Variants in NAA40 observed in about 807,000 individuals in gnomAD.
NAA40 encodes N-alpha-acetyltransferase 40.
A neutral mutation model predicts 36.6 loss-of-function variants in NAA40; 26 were observed. The observed-to-expected ratio is 0.71, with a 90% CI of 0.52 to 0.98. The LOEUF is 0.98. NAA40 is among the 50% of genes least tolerant of loss of function. The pLI, the probability that NAA40 is intolerant of heterozygous loss-of-function variation, is 0.00. For synonymous variants in NAA40, 129 were observed against 108.4 expected, an observed-to-expected ratio of 1.19 and a Z score of -1.18; for missense variants, 237 against 306.5, an observed-to-expected ratio of 0.77 and a Z score of 1.69.
At chr11:63,948,213 T>C (rs969047691) in intron 3 of NAA40, among the ~76,000 whole-genome samples, 2 of 152,114 alleles carry the variant, frequency 1.3e-5, no homozygotes, top group African/African-American at 4.8e-5. Context: ...TGAAACAAAC[T>C]TGGAAAATTA....
At position 63,939,383 on chromosome 11, in the gene NAA40, C is replaced by A. The variant is rs533456191; in HGVS notation, c.6+281C>A. 7.4e-6 allele frequency: 9 copies of A among 1,220,860 alleles called. No homozygotes were observed. The East Asian group carries it at 2.5e-4, about 34-fold the overall frequency. The allele number at this position is 1,220,860 out of a possible 1,614,324, so 75.6% of individuals were successfully genotyped here. On this transcript the variant is annotated intron_variant, in intron 1 of 7. Transcript: ENST00000377793. Reference sequence around the variant, plus strand: ...GCGGACCCGTTACTGGCCTCCCCACCACCGTCCCCCGCGGGGACCCTGGGG... The same window carrying A: ...GCGGACCCGTTACTGGCCTCCCCACAACCGTCCCCCGCGGGGACCCTGGGG...
In NAA40 at chr11:63,952,957, G is replaced by GT. The variant is rs1942305384; in HGVS notation, c.494+118_494+119insT. 2.2e-5 allele frequency: 16 copies of GT among 743,258 alleles called. No individual in the cohort carries two copies. The East Asian group carries it at 4.8e-4, about 22-fold the overall frequency. The allele number at this position is 743,258 out of a possible 1,614,324, so 46.0% of individuals were successfully genotyped here. ...GGAGGCTCATAGGCATGTTTTGGGA[G>GT]AAAGGTGTCTTAGAACCCTCTCAGT... On this transcript the variant is annotated intron_variant, in intron 6 of 7. Transcript: ENST00000377793.
At chr11:63,948,699 C>T (rs1432760812) in intron 3 of NAA40, among the ~76,000 whole-genome samples, 1 of 151,108 alleles carries the variant, frequency 6.6e-6, no homozygotes, top group African/African-American at 2.4e-5. Flanking sequence ...GCCTGGGCAA[C>T]AGAGCAAGAC....
At chr11:63,952,898 A>G in intron 6 of NAA40, 59 bp downstream of exon 6, 1 of 1,459,950 alleles carries the variant, frequency 6.8e-7, no homozygotes, top group Non-Finnish European at 9.6e-7. Flanking sequence ...GCTGTCACTG[A>G]GGCACTTGCC....
intron 3 of NAA40, among the ~76,000 whole-genome samples, chr11:63,948,690 C>G (rs1942227513): frequency 6.6e-6 from 1 of 151,912 alleles, no homozygotes; most frequent in African/African-American, 2.4e-5. Flanking sequence ...TGCACTCCAG[C>G]CTGGGCAACA....
intron 2 of NAA40, chr11:63,946,744 T>C: frequency 6.5e-7 from 1 of 1,529,644 alleles, no homozygotes; most frequent in Non-Finnish European, 8.8e-7. Flanking sequence ...AACTTAACTC[T>C]CCTGGGCCTT....
rs753772324 is a variant in NAA40, at chr11:63,952,841, T to TA, written c.494+4dup. 178 of 1,613,756 alleles carry TA rather than the reference T, an allele frequency of 1.1e-4. No individual in the cohort carries two copies. In the African/African-American group the frequency reaches 1.9e-3, roughly 17 times the overall value. Reference sequence around the variant, plus strand: ...GATCCTGCAGCTCATGGCCAACAGGTAAGGCCTCCCTTCTTAGGAGGCCCA... The same window carrying TA: ...GATCCTGCAGCTCATGGCCAACAGGTAAAGGCCTCCCTTCTTAGGAGGCCCA... On this transcript the variant is annotated splice_region_variant and intron_variant, in intron 6 of 7. Coordinates refer to ENST00000377793, the MANE Select transcript of NAA40 (RefSeq NM_024771.4).
In NAA40 at chr11:63,957,212, A is replaced by ATATATATATATATTTTTT. The variant is rs1278673521; in HGVS notation, c.*2734_*2735insATATATATATATTTTTTT. ...CCTTGATATATATATATATATATAT[A>ATATATATATATATTTTTT]TTTTTTTTTTTCTTTAGCAGCTTGT... On this transcript the variant is annotated 3_prime_UTR_variant, in exon 8 of 8. Coordinates refer to ENST00000377793, the MANE Select transcript of NAA40 (RefSeq NM_024771.4). The ATATATATATATATTTTTT allele has an allele frequency of 1.6e-5, 1 of 64,298 alleles. No homozygotes were observed. The highest frequency in any genetic ancestry group is 4.2e-5 in the African/African-American group (1 of 23,940). 4.0% of individuals were successfully genotyped at this position (64,298 alleles called of 1,614,324 possible). A position where few individuals can be genotyped will look rare whatever the true frequency, so the allele number is the denominator to read the frequency against.
At chr11:63,950,129 T>TG (rs1342896530) in intron 3 of NAA40, among the ~76,000 whole-genome samples, 5 of 150,150 alleles carry the variant, frequency 3.3e-5, no homozygotes, top group East Asian at 1.9e-4. Flanking sequence ...TTTGTTTTTT[T>TG]TTTTTTTTGA....
chr11:63,954,562 C>T lies in NAA40; in HGVS notation c.*83C>T. ...GGTCTCACTGTTCACCGGGTGTCCT[C>T]AGAGCTGTGGCCTCCCCAGCCCTGC... On this transcript the variant is annotated 3_prime_UTR_variant, in exon 8 of 8. Coordinates refer to ENST00000377793, the MANE Select transcript of NAA40 (RefSeq NM_024771.4). 6.8e-7 allele frequency: 1 copy of T among 1,466,194 alleles called. No homozygotes were observed. The highest frequency in any genetic ancestry group is 9.1e-7 in the Non-Finnish European group (1 of 1,101,862). The allele number at this position is 1,466,194 out of a possible 1,614,324, so 90.8% of individuals were successfully genotyped here. A position where few individuals can be genotyped will look rare whatever the true frequency, so the allele number is the denominator to read the frequency against.
Position 63,957,213 on chromosome 11 carries a change from T to TATA in NAA40, c.*2734_*2735insATA, listed in dbSNP as rs1491564515. ...CTTGATATATATATATATATATATA[T>TATA]TTTTTTTTTTCTTTAGCAGCTTGTT... On this transcript the variant is annotated 3_prime_UTR_variant, in exon 8 of 8. Transcript: ENST00000377793. 65 of 48,080 alleles carry TATA rather than the reference T, an allele frequency of 1.4e-3. No homozygotes were observed. Among genetic ancestry groups the TATA allele is most frequent in the African/African-American group, 3.3e-3 (55 of 16,776 alleles). The allele number at this position is 48,080 out of a possible 1,614,324, so 3.0% of individuals were successfully genotyped here.
intron 1 of NAA40, among the ~76,000 whole-genome samples, chr11:63,939,825 C>T (rs1016225308): frequency 1.3e-4 from 20 of 152,062 alleles, no homozygotes; most frequent in Admixed American, 2.0e-4. Flanking sequence ...GGGGAAGATG[C>T]GGGGAGGCGG....
chr11:63,954,263 T>C (rs576670727), intron 7 of NAA40, 75 bp from the exon 8 acceptor site: 1 of 1,522,056 alleles, frequency 6.6e-7, no homozygotes, highest in Non-Finnish European at 8.8e-7. Flanking sequence ...GTGTGGCTGG[T>C]AGAAGAGTTC....
intron 3 of NAA40, among the ~76,000 whole-genome samples, chr11:63,949,844 A>C (rs1398145229): frequency 6.8e-6 from 1 of 146,704 alleles, no homozygotes; most frequent in East Asian, 2.0e-4. Flanking sequence ...TCCCGGATTC[A>C]CGCCATTATC....
At position 63,952,342 on chromosome 11, in the gene NAA40, G is replaced by C; in HGVS notation, c.251+9G>C. ...ACGAATATGCAAACCATGTAAGCTT[G>C]TCCCAACCAGGGGAGCCTAGTTCCT... On this transcript the variant is annotated intron_variant, in intron 4 of 7. Transcript: ENST00000377793. The C allele has an allele frequency of 6.2e-7, 1 of 1,613,642 alleles. No homozygotes were observed. The highest frequency in any genetic ancestry group is 8.5e-7 in the Non-Finnish European group (1 of 1,179,612).
chr11:63,940,104 G>A (rs1358018532), intron 1 of NAA40, among the ~76,000 whole-genome samples: 3 of 128,116 alleles, frequency 2.3e-5, no homozygotes, highest in African/African-American at 8.9e-5. Context: ...AAGCTGGAGT[G>A]CAATGGCGCG....
intron 3 of NAA40, among the ~76,000 whole-genome samples, chr11:63,948,967 G>A (rs1487531709): frequency 6.6e-6 from 1 of 152,076 alleles, no homozygotes; most frequent in Non-Finnish European, 1.5e-5. Context: ...GATCGTTTGT[G>A]CCCAGGAGTC....
At chr11:63,951,857 C>T (rs1048811517) in intron 3 of NAA40, among the ~76,000 whole-genome samples, 2 of 152,158 alleles carry the variant, frequency 1.3e-5, no homozygotes, top group Non-Finnish European at 2.9e-5. Flanking sequence ...GGAAAAATGC[C>T]TAAGGGCAGG....
In NAA40 at chr11:63,952,813, A is replaced by G. The variant is rs1382031144; in HGVS notation, c.468A>G (p.Ile156Met). 2.5e-6 allele frequency: 4 copies of G among 1,613,954 alleles called. No individual in the cohort carries two copies. The highest frequency in any genetic ancestry group is 2.2e-5 in the East Asian group (1 of 44,886). The change falls in exon 6 of 8, where the codon ATA (isoleucine) becomes ATG (methionine). Residue 156 changes from isoleucine (I) to methionine (M), a missense_variant. Coordinates refer to ENST00000377793, the MANE Select transcript of NAA40 (RefSeq NM_024771.4). Reference protein sequence around the residue: ...VRRKGLGKFLIQILQLMANST... With the variant: ...VRRKGLGKFLMQILQLMANST... The stretch of plus-strand genomic sequence containing the variant: ...GGAAAGGCCTGGGGAAGTTCCTCAT[A>G]CAGATCCTGCAGCTCATGGCCAACA...
Sources: gnomAD v4.1 joint callset for allele counts (sites outside exome capture counted in the v4.1 genomes callset) on GRCh38, gnomAD v4.1.1 for gene constraint, MANE v1.5 for transcripts, NCBI Gene and HGNC (gene_info 2026-07-23, HGNC 2026-07-21) for gene names.